Variants in CDK15 observed in about 807,000 individuals in gnomAD.
The protein encoded by CDK15 is cyclin dependent kinase 15, also known as cyclin-dependent kinase 15.
In CDK15, 62 loss-of-function variants were observed where a neutral mutation model predicts 60.3. The observed-to-expected ratio is 1.03, with a 90% CI of 0.84 to 1.27. The LOEUF (loss-of-function observed/expected upper bound fraction) is 1.27, where lower values mean the gene tolerates loss of function less well. Among genes scored for constraint, CDK15 ranks in the 50% most tolerant of loss-of-function variants. The probability of loss-of-function intolerance (pLI) is 0.00; values close to 1 mark genes in which losing one functional copy is unlikely to be tolerated. For synonymous variants in CDK15, 194 were observed against 195.7 expected, an observed-to-expected ratio of 0.99 and a Z score of 0.07; for missense variants, 541 against 527.8, an observed-to-expected ratio of 1.03 and a Z score of -0.25.
intron 7 of CDK15, 32 bp from the exon 8 acceptor site, chr2:201,835,611 C>T (rs200280613): frequency 1.4e-4 from 224 of 1,563,308 alleles, no homozygotes; most frequent in East Asian, 1.1e-3. Context: ...AGGTCCAGAA[C>T]GATGGGTTTT....
intron 9 of CDK15, among the ~76,000 whole-genome samples, chr2:201,849,345 G>T (rs1405369009): frequency 6.6e-6 from 1 of 152,146 alleles, no homozygotes; most frequent in Non-Finnish European, 1.5e-5. Context: ...TAACCCGATT[G>T]TTCTCTTCTT....
rs1263832046 is a variant in CDK15 at position 201,812,495 on chromosome 2, A to G, written c.381A>G (p.Gln127=). 6.2e-7 allele frequency: 1 copy of G among 1,612,398 alleles called. No homozygotes were observed. The highest frequency in any genetic ancestry group is 2.2e-5 in the East Asian group (1 of 44,798). ...VYKGISRING[Q]LVALKVISMN... Reference sequence around the variant, plus strand: ...CCCTCTCTTCTAGAATAAATGGACAACTAGTGGCTTTAAAAGTCATCAGCA... The same window carrying G: ...CCCTCTCTTCTAGAATAAATGGACAGCTAGTGGCTTTAAAAGTCATCAGCA... The change falls in exon 4 of 14, where the codon CAA becomes CAG. Residue 127 remains glutamine (Q), a synonymous_variant. Transcript: ENST00000652192.
chr2:201,877,685 T>C (rs1699130624), intron 11 of CDK15, among the ~76,000 whole-genome samples: 1 of 152,212 alleles, frequency 6.6e-6, no homozygotes, highest in South Asian at 2.1e-4. Flanking sequence ...ATGAGGAATA[T>C]ATCTGCCAGT....
chr2:201,824,732 C>A, intron 6 of CDK15: 1 of 584,372 alleles, frequency 1.7e-6, no homozygotes, highest in Non-Finnish European at 2.5e-6. Context: ...TGGCAGAATT[C>A]ATATATCATC....
chr2:201,869,862 G>T (rs554845557), intron 10 of CDK15, among the ~76,000 whole-genome samples: 1 of 152,332 alleles, frequency 6.6e-6, no homozygotes, highest in African/African-American at 2.4e-5. Flanking sequence ...TTTGGCCAGG[G>T]AAGAGCTGTA....
chr2:201,863,530 A>G (rs1443691166), intron 10 of CDK15, among the ~76,000 whole-genome samples: 1 of 152,208 alleles, frequency 6.6e-6, no homozygotes, highest in African/African-American at 2.4e-5. Context: ...GTTTATGGCC[A>G]GTGCTTTGCA....
chr2:201,873,696 CTAGCAATA>C (rs1295957396), intron 11 of CDK15, among the ~76,000 whole-genome samples: 2 of 152,220 alleles, frequency 1.3e-5, no homozygotes, highest in Non-Finnish European at 2.9e-5. Flanking sequence ...CCCTTGTCCC[CTAGCAATA>C]TGTATTCACC....
At chr2:201,819,689 G>A (rs1696138382) in intron 4 of CDK15, among the ~76,000 whole-genome samples, 1 of 152,156 alleles carries the variant, frequency 6.6e-6, no homozygotes, top group Admixed American at 6.5e-5. Context: ...GAGGGGTTCT[G>A]GACAATTTGG....
chr2:201,878,202 G>A (rs923508426), intron 11 of CDK15, among the ~76,000 whole-genome samples: 1 of 152,180 alleles, frequency 6.6e-6, no homozygotes, highest in Non-Finnish European at 1.5e-5. Context: ...TTGTGGAGTT[G>A]GGTGTACATA....
intron 12 of CDK15, among the ~76,000 whole-genome samples, chr2:201,887,869 A>G (rs1186353128): frequency 6.6e-6 from 1 of 152,310 alleles, no homozygotes; most frequent in Admixed American, 6.5e-5. Context: ...CTATACATAC[A>G]CATGAGCTAA....
rs772938739 is a variant in CDK15, at chr2:201,847,487, T to C, written c.945+13T>C. ...GAAAATCTGGGAGGTAGGAGAATAATTCTTCTAAAGAAAATGAAATATCTG... is the reference window on the plus strand; with the variant it reads ...GAAAATCTGGGAGGTAGGAGAATAACTCTTCTAAAGAAAATGAAATATCTG... On this transcript the variant is annotated intron_variant, in intron 9 of 13. Coordinates refer to ENST00000652192, the MANE Select transcript of CDK15 (RefSeq NM_001366386.2). The C allele has an allele frequency of 1.2e-6, 2 of 1,608,432 alleles. No individual in the cohort carries two copies. The highest frequency in any genetic ancestry group is 1.7e-5 in the Admixed American group (1 of 59,646).
intron 12 of CDK15, among the ~76,000 whole-genome samples, chr2:201,887,489 A>T (rs1340273242): frequency 6.6e-6 from 1 of 152,134 alleles, no homozygotes; most frequent in African/African-American, 2.4e-5. Flanking sequence ...GAGTCAAAGG[A>T]CCTGAGTTTT....
At chr2:201,891,289 G>A in intron 13 of CDK15, among the ~76,000 whole-genome samples, 1 of 152,212 alleles carries the variant, frequency 6.6e-6, no homozygotes, top group East Asian at 1.9e-4. Context: ...AGCCTCCCAA[G>A]TGCTGGGATT....
intron 12 of CDK15, among the ~76,000 whole-genome samples, chr2:201,886,364 C>T (rs368195412): frequency 2.7e-4 from 39 of 145,150 alleles, no homozygotes; most frequent in Non-Finnish European, 5.2e-4. Flanking sequence ...TTGCTCTTGT[C>T]GCCCAGGCTG....
intron 10 of CDK15, 39 bp from the exon 11 acceptor site, chr2:201,872,239 G>A (rs374734881): frequency 9.3e-6 from 15 of 1,609,260 alleles, no homozygotes; most frequent in African/African-American, 1.3e-5. Flanking sequence ...GGGTTTTCGG[G>A]TGGATTTTAT....
intron 9 of CDK15, among the ~76,000 whole-genome samples, chr2:201,848,544 C>G (rs1697769792): frequency 6.6e-6 from 1 of 152,044 alleles, no homozygotes; most frequent in South Asian, 2.1e-4. Context: ...CAATAACTGC[C>G]CATCTTCCCT....
chr2:201,892,458 A>G (rs1465398292), intron 13 of CDK15, among the ~76,000 whole-genome samples: 1 of 152,214 alleles, frequency 6.6e-6, no homozygotes, highest in Non-Finnish European at 1.5e-5. Flanking sequence ...TTTCTGATCT[A>G]CAGTGACCTT....
intron 10 of CDK15, among the ~76,000 whole-genome samples, chr2:201,858,656 G>A (rs773500067): frequency 6.6e-6 from 1 of 152,004 alleles, no homozygotes; most frequent in African/African-American, 2.4e-5. Context: ...TGACGAGCAC[G>A]GATTCCCAGA....
At chr2:201,826,458 CAAAAAAAA>C (rs373198183) in intron 6 of CDK15, among the ~76,000 whole-genome samples, 2 of 78,204 alleles carry the variant, frequency 2.6e-5, no homozygotes, top group East Asian at 4.6e-4. Context: ...GACTGCGTCT[CAAAAAAAA>C]AAAAAAAAAA....
Sources: allele counts gnomAD v4.1 joint callset (sites outside exome capture counted in the v4.1 genomes callset), GRCh38; gene constraint gnomAD v4.1.1; transcripts MANE v1.5; gene names NCBI Gene and HGNC (gene_info 2026-07-23, HGNC 2026-07-21).